Variants in GAREM1 observed in about 807,000 individuals in gnomAD.
GAREM1 encodes the protein GRB2 associated regulator of MAPK1 subtype 1.
GAREM1 carries 26 observed loss-of-function variants against 71.3 expected under a neutral mutation model. The ratio of observed to expected loss-of-function variants is 0.36; its 90% CI spans 0.27 to 0.51. The LOEUF (loss-of-function observed/expected upper bound fraction) is 0.51. Among genes scored for constraint, GAREM1 ranks in the 20% least tolerant of loss-of-function variants. The probability of loss-of-function intolerance (pLI) is 0.95; values close to 1 mark genes in which losing one functional copy is unlikely to be tolerated. For missense variants in GAREM1, 1,026 were observed against 1,103.1 expected, an observed-to-expected ratio of 0.93 and a Z score of 0.99; for synonymous variants, 440 against 433.2, an observed-to-expected ratio of 1.02 and a Z score of -0.20.
In GAREM1 at chr18:32,380,893, C is replaced by A. The variant is rs540386048; in HGVS notation, c.262+12002G>T. 1.6e-4 allele frequency among the ~76,000 whole-genome samples: 24 copies of A among 152,048 alleles called. No homozygotes were observed. In the East Asian group the frequency reaches 4.0e-3, roughly 26 times the overall value. ...AAATTCCTTAATAGATGTTTTGATC[C>A]TAACAAGTCAACCTACCAAACACAT... On this transcript the variant is annotated intron_variant, in intron 2 of 5. Coordinates refer to ENST00000269209, the MANE Select transcript of GAREM1 (RefSeq NM_001242409.2).
intron 3 of GAREM1, among the ~76,000 whole-genome samples, chr18:32,300,083 G>A (rs2047184802): frequency 6.6e-6 from 1 of 152,226 alleles, no homozygotes; most frequent in Admixed American, 6.5e-5. Context: ...GTAGAAAAGT[G>A]TATTATAAAA....
At chr18:32,364,010 ATATATATATATATATATGTTTTTT>A (rs1405399801) in intron 2 of GAREM1, among the ~76,000 whole-genome samples, 4 of 47,962 alleles carry the variant, frequency 8.3e-5, no homozygotes, top group African/African-American at 3.5e-4. Flanking sequence ...ATATATATAT[ATATATATATATATATATGTTTTTT>A]TTTTTTTTTT....
Position 32,470,210 on chromosome 18 carries a change from C to A in GAREM1, c.121+98G>T. On this transcript the variant is annotated intron_variant, in intron 1 of 5. Coordinates refer to ENST00000269209, the MANE Select transcript of GAREM1 (RefSeq NM_001242409.2). The surrounding 1 kb of genome is among the most constrained non-coding windows in gnomAD (Gnocchi z 4.4). ...CTCCGGCGCTCAGGGGCGGGCAGCC[C>A]ACTCCCCGCGGGTCCCACCCTCTCC... The A allele has an allele frequency of 7.8e-7, 1 of 1,275,724 alleles. No homozygotes were observed. The highest frequency in any genetic ancestry group is 1.0e-6 in the Non-Finnish European group (1 of 1,002,424). 79.0% of individuals were successfully genotyped at this position (1,275,724 alleles called of 1,614,324 possible).
At chr18:32,411,875 TA>T (rs3980742) in intron 1 of GAREM1, among the ~76,000 whole-genome samples, 44 of 141,420 alleles carry the variant, frequency 3.1e-4, no homozygotes, top group Middle Eastern at 3.6e-3. Context: ...CACAGCACAT[TA>T]AAAAAAAAAA....
rs531609299 is a variant in GAREM1, at chr18:32,309,353, C to A, written c.393+840G>T. 3.1e-4 allele frequency among the ~76,000 whole-genome samples: 46 copies of A among 149,312 alleles called. 2 individuals are homozygous for A. The highest frequency in any genetic ancestry group is 1.1e-3 in the African/African-American group (44 of 40,130). On this transcript the variant is annotated intron_variant, in intron 3 of 5. Transcript: ENST00000269209. ...GAACAAGGCCAGACACGGTGGCTCA[C>A]ACCTGTAATCCCAGCACTTTGGGAG...
At chr18:32,436,262 C>A (rs2048677173) in intron 1 of GAREM1, among the ~76,000 whole-genome samples, 1 of 152,114 alleles carries the variant, frequency 6.6e-6, no homozygotes, top group African/African-American at 2.4e-5. Context: ...AGCACAGAAC[C>A]AACCTGTGGA....
At chr18:32,469,843 A>G (rs151264742) in intron 1 of GAREM1, among the ~76,000 whole-genome samples, 188 of 152,274 alleles carry the variant, frequency 1.2e-3, no homozygotes, top group African/African-American at 4.3e-3. Context: ...ATCCTTTTCA[A>G]TGGTCACCCA....
chr18:32,458,888 T>C lies in GAREM1; in HGVS notation c.121+11420A>G, dbSNP rs760637485. The stretch of plus-strand genomic sequence containing the variant: ...GCAATTTAGCAATAAATACCAACAT[T>C]CTAAAAATAACGAATTTTGAACAAT... On this transcript the variant is annotated intron_variant, in intron 1 of 5. Coordinates refer to ENST00000269209, the MANE Select transcript of GAREM1 (RefSeq NM_001242409.2). 7.7e-4 allele frequency among the ~76,000 whole-genome samples: 117 copies of C among 151,992 alleles called. 1 individual carries two copies. Among genetic ancestry groups the C allele is most frequent in the Non-Finnish European group, 1.8e-4 (12 of 67,936 alleles).
intron 2 of GAREM1, among the ~76,000 whole-genome samples, chr18:32,311,285 G>T (rs1477793631): frequency 6.6e-6 from 1 of 152,076 alleles, no homozygotes; most frequent in East Asian, 1.9e-4. Context: ...AACTTAAAAG[G>T]AATTAAAAGC....
At chr18:32,427,959 A>G (rs972763978) in intron 1 of GAREM1, among the ~76,000 whole-genome samples, 1 of 152,226 alleles carries the variant, frequency 6.6e-6, no homozygotes, top group African/African-American at 2.4e-5. Context: ...GCATGAAAAA[A>G]TATGACTATA....
intron 1 of GAREM1, among the ~76,000 whole-genome samples, chr18:32,449,132 AAATT>A (rs1380055424): frequency 6.6e-6 from 1 of 152,216 alleles, no homozygotes; most frequent in Admixed American, 6.5e-5. Context: ...GACCTTGAGC[AAATT>A]ATTCCTTATG....
intron 1 of GAREM1, among the ~76,000 whole-genome samples, chr18:32,452,853 G>A (rs776454382): frequency 1.4e-5 from 2 of 147,270 alleles, no homozygotes; most frequent in Non-Finnish European, 3.0e-5. Flanking sequence ...TAACTTCTAC[G>A]TTTTTTTTTT....
intron 2 of GAREM1, among the ~76,000 whole-genome samples, chr18:32,332,410 A>C (rs981506258): frequency 6.6e-6 from 1 of 151,516 alleles, no homozygotes; most frequent in East Asian, 1.9e-4. Context: ...GGAGATATAC[A>C]CTTTCTACAA....
intron 1 of GAREM1, among the ~76,000 whole-genome samples, chr18:32,449,885 C>G (rs1423783180): frequency 6.6e-6 from 1 of 151,966 alleles, no homozygotes; most frequent in Admixed American, 6.6e-5. Flanking sequence ...GGGTAATCAC[C>G]AATGTCTACA....
chr18:32,305,408 C>A (rs1328336752), intron 3 of GAREM1, among the ~76,000 whole-genome samples: 1 of 152,214 alleles, frequency 6.6e-6, no homozygotes, highest in East Asian at 1.9e-4. Flanking sequence ...TTACACTCTA[C>A]CACCACCTCC....
At position 32,389,945 on chromosome 18, in the gene GAREM1, G is replaced by T. The variant is rs1310148066; in HGVS notation, c.262+2950C>A. Among the ~76,000 whole-genome samples, 5 of 152,172 alleles carry T rather than the reference G, an allele frequency of 3.3e-5. No homozygotes were observed. In the East Asian group the frequency reaches 9.6e-4, roughly 29 times the overall value. On this transcript the variant is annotated intron_variant, in intron 2 of 5. Transcript: ENST00000269209. ...TCCAACATTTTGAAAGGCCAAGGCAGGTGGATTGCTTGAGACCTGGAGTTT... is the reference window on the plus strand; with the variant it reads ...TCCAACATTTTGAAAGGCCAAGGCATGTGGATTGCTTGAGACCTGGAGTTT...
intron 3 of GAREM1, among the ~76,000 whole-genome samples, chr18:32,309,002 A>C (rs1282944911): frequency 6.7e-6 from 1 of 150,136 alleles, no homozygotes; most frequent in Non-Finnish European, 1.5e-5. Flanking sequence ...GGGCCAAGAC[A>C]CCATGTAGTC....
At chr18:32,438,681 C>G (rs2144270123) in intron 1 of GAREM1, among the ~76,000 whole-genome samples, 1 of 152,286 alleles carries the variant, frequency 6.6e-6, no homozygotes, top group East Asian at 1.9e-4. Flanking sequence ...TCTTTTACTT[C>G]TATCTTTAGG....
At chr18:32,399,772 C>T (rs1189480116) in intron 1 of GAREM1, among the ~76,000 whole-genome samples, 1 of 152,104 alleles carries the variant, frequency 6.6e-6, no homozygotes, top group South Asian at 2.1e-4. Context: ...GATTCAATGC[C>T]ATCCCCATCA....
Sources: allele counts gnomAD v4.1 joint callset (sites outside exome capture counted in the v4.1 genomes callset), GRCh38; gene constraint gnomAD v4.1.1; non-coding constraint Gnocchi (gnomAD v3.1); transcripts MANE v1.5; gene names NCBI Gene and HGNC (gene_info 2026-07-23, HGNC 2026-07-21).